The following PLEKHM3 variants were observed in gnomAD, a reference collection of about 807,000 sequenced individuals.
PLEKHM3 encodes the protein pleckstrin homology domain containing M3.
Under a neutral mutation model 81.8 loss-of-function variants are expected in PLEKHM3, and 45 were observed. That is an observed-to-expected ratio of 0.55 (90% CI 0.43 to 0.71). PLEKHM3 has a LOEUF of 0.71. Among genes scored for constraint, PLEKHM3 ranks in the 30% least tolerant of loss-of-function variants. PLEKHM3 has a pLI of 0.00. For missense variants in PLEKHM3, 788 were observed against 924.3 expected (o/e 0.85, Z 1.91); for synonymous variants, 352 against 356.4 (o/e 0.99, Z 0.14).
chr2:207,841,498 T>G (rs200148449), intron 7 of PLEKHM3, among the ~76,000 whole-genome samples: 1 of 116,756 alleles, frequency 8.6e-6, no homozygotes, highest in Non-Finnish European at 1.7e-5. Flanking sequence ...TATATATATA[T>G]ATATATATAT....
At chr2:207,828,657 T>C (rs550498078) in intron 7 of PLEKHM3, among the ~76,000 whole-genome samples, 161 bp from the exon 8 acceptor site, 1 of 152,302 alleles carries the variant, frequency 6.6e-6, no homozygotes, top group African/African-American at 2.4e-5. Context: ...TGTTTGTTTT[T>C]CCAAAATGCT....
chr2:207,959,725 T>C (rs1690667929), intron 3 of PLEKHM3, among the ~76,000 whole-genome samples: 1 of 152,232 alleles, frequency 6.6e-6, no homozygotes, highest in South Asian at 2.1e-4. Flanking sequence ...GTAATTCTAC[T>C]TGAGCCATTT....
intron 6 of PLEKHM3, among the ~76,000 whole-genome samples, chr2:207,875,557 T>C (rs2092555840): frequency 6.6e-6 from 1 of 152,196 alleles, no homozygotes; most frequent in African/African-American, 2.4e-5. Flanking sequence ...CTTTAATGAA[T>C]TTACACTACA....
intron 1 of PLEKHM3, among the ~76,000 whole-genome samples, chr2:208,013,941 C>T (rs1692788379): frequency 6.6e-6 from 1 of 152,340 alleles, no homozygotes; most frequent in East Asian, 1.9e-4. Context: ...TTTTCTGTCT[C>T]TGCTGAACTT....
intron 2 of PLEKHM3, among the ~76,000 whole-genome samples, chr2:207,982,808 G>C (rs1281253000): frequency 6.6e-6 from 1 of 151,568 alleles, no homozygotes; most frequent in Non-Finnish European, 1.5e-5. Context: ...CAAAACTCCT[G>C]ACCTCGTGAT....
At chr2:207,949,486 G>A (rs1244036942) in intron 3 of PLEKHM3, among the ~76,000 whole-genome samples, 2 of 152,210 alleles carry the variant, frequency 1.3e-5, no homozygotes, top group Non-Finnish European at 1.5e-5. Context: ...GCTGCAGTGA[G>A]CTGTGATCAT....
intron 5 of PLEKHM3, among the ~76,000 whole-genome samples, chr2:207,913,925 G>T (rs1688894107): frequency 9.3e-6 from 1 of 107,918 alleles, no homozygotes; most frequent in Admixed American, 8.6e-5. Context: ...GTATGTGCGT[G>T]CATGAAAACA....
chr2:207,915,912 A>G (rs1688977886), intron 5 of PLEKHM3, among the ~76,000 whole-genome samples: 1 of 152,224 alleles, frequency 6.6e-6, no homozygotes, highest in Admixed American at 6.5e-5. Context: ...GAAATCAGCA[A>G]AAAGCACTAT....
chr2:207,949,506 C>T (rs1690259716), intron 3 of PLEKHM3, among the ~76,000 whole-genome samples: 1 of 152,060 alleles, frequency 6.6e-6, no homozygotes, highest in Non-Finnish European at 1.5e-5. Flanking sequence ...TGCCACTGCA[C>T]TCCAGCCTGA....
chr2:207,907,137 A>T (rs1435025069), intron 6 of PLEKHM3, among the ~76,000 whole-genome samples: 1 of 152,202 alleles, frequency 6.6e-6, no homozygotes, highest in Non-Finnish European at 1.5e-5. Context: ...AAAGCTTAAC[A>T]TATTTAGAAT....
At chr2:208,024,320 T>C (rs1693237420) in intron 1 of PLEKHM3, among the ~76,000 whole-genome samples, 1 of 152,182 alleles carries the variant, frequency 6.6e-6, no homozygotes, top group African/African-American at 2.4e-5. Flanking sequence ...TGAAGTAGTC[T>C]GGCTTTATAG....
chr2:207,901,888 A>G (rs1445034133), intron 6 of PLEKHM3, among the ~76,000 whole-genome samples: 1 of 152,202 alleles, frequency 6.6e-6, no homozygotes, highest in Non-Finnish European at 1.5e-5. Flanking sequence ...GATTATGTTC[A>G]GTGGTTTCTG....
At position 207,823,357 on chromosome 2, in the gene PLEKHM3, A is replaced by C. The variant is rs1399779591; in HGVS notation, c.*4962T>G. 6.7e-6 allele frequency: 1 copy of C among 149,736 alleles called. No homozygotes were observed. The highest frequency in any genetic ancestry group is 1.5e-5 in the Non-Finnish European group (1 of 67,750). The allele number at this position is 149,736 out of a possible 1,614,324, so 9.3% of individuals were successfully genotyped here. ...TGCTCTGTCGCCCAGGCTGGAGTGCAGTGGCGCAATCTCGGCTCACTGCAA... is the reference window on the plus strand; with the variant it reads ...TGCTCTGTCGCCCAGGCTGGAGTGCCGTGGCGCAATCTCGGCTCACTGCAA... On this transcript the variant is annotated 3_prime_UTR_variant, in exon 8 of 8. Transcript: ENST00000427836.
intron 6 of PLEKHM3, among the ~76,000 whole-genome samples, chr2:207,887,808 C>G (rs1687926518): frequency 6.6e-6 from 1 of 152,046 alleles, no homozygotes; most frequent in African/African-American, 2.4e-5. Context: ...CCAGGGCAGT[C>G]AAGTAGAAAG....
In PLEKHM3 at chr2:207,942,643, G is replaced by A. The variant is rs556432918; in HGVS notation, c.1692+3724C>T. 7.4e-4 allele frequency among the ~76,000 whole-genome samples: 112 copies of A among 152,278 alleles called. 1 individual carries two copies. Among genetic ancestry groups the A allele is most frequent in the Non-Finnish European group, 1.2e-3 (82 of 68,024 alleles). ...CAGCTCGGCCCGGTGGCTCACTCCT[G>A]TAATGCCAGCACTTTGGGAGGCCGA... On this transcript the variant is annotated intron_variant, in intron 4 of 7. Transcript: ENST00000427836.
intron 1 of PLEKHM3, among the ~76,000 whole-genome samples, chr2:208,016,666 A>ACACACACACAC (rs1468410522): frequency 2.1e-4 from 7 of 34,098 alleles, no homozygotes; most frequent in Admixed American, 4.3e-4. Flanking sequence ...AAAAAAAAAA[A>ACACACACACAC]AAATACACAC....
chr2:207,968,089 G>T (rs574544350), intron 3 of PLEKHM3, among the ~76,000 whole-genome samples: 2 of 151,824 alleles, frequency 1.3e-5, no homozygotes, highest in African/African-American at 4.8e-5. Context: ...AACAGAGATT[G>T]TAGTATGTGC....
intron 4 of PLEKHM3, among the ~76,000 whole-genome samples, chr2:207,932,689 C>A (rs945364650): frequency 6.6e-6 from 1 of 152,078 alleles, no homozygotes; most frequent in Non-Finnish European, 1.5e-5. Flanking sequence ...ATGGATGGGG[C>A]CCACTGGTAG....
chr2:207,925,876 G>A (rs2621473), intron 5 of PLEKHM3, among the ~76,000 whole-genome samples: 95,266 of 151,768 alleles, frequency 0.63, 30,588 homozygotes, highest in Middle Eastern at 0.79. Context: ...TAGTTCTACA[G>A]GACTCTTCAT....
Sources: gnomAD v4.1 joint callset for allele counts (sites outside exome capture counted in the v4.1 genomes callset) on GRCh38, gnomAD v4.1.1 for gene constraint, MANE v1.5 for transcripts, NCBI Gene and HGNC (gene_info 2026-07-23, HGNC 2026-07-21) for gene names.